ACAD9: variants seen among roughly 807,000 people sequenced by gnomAD.
ACAD9 encodes the protein complex I assembly factor ACAD9, mitochondrial.
ACAD9 carries 53 observed loss-of-function variants against 70.2 expected under a neutral mutation model. That is an observed-to-expected ratio of 0.75 (90% CI 0.61 to 0.95). The LOEUF is 0.95. Among genes scored for constraint, ACAD9 ranks in the 40% least tolerant of loss-of-function variants. The pLI, the probability that ACAD9 is intolerant of heterozygous loss-of-function variation, is 0.00. For synonymous variants in ACAD9, 313 were observed against 312.1 expected (o/e 1.00, Z -0.03); for missense variants, 777 against 802.8 (o/e 0.97, Z 0.39).
At chr3:128,892,454 ATTAAT>A (rs1206135079) in intron 2 of ACAD9, among the ~76,000 whole-genome samples, 2 of 152,226 alleles carry the variant, frequency 1.3e-5, no homozygotes, top group Non-Finnish European at 2.9e-5. Flanking sequence ...GTACACTTTA[ATTAAT>A]TTGATGCATA....
intron 6 of ACAD9, among the ~76,000 whole-genome samples, chr3:128,898,735 C>G (rs1935644242): frequency 1.3e-5 from 2 of 152,184 alleles, no homozygotes; most frequent in African/African-American, 4.8e-5. Context: ...TCAAATATCC[C>G]TGATTGCCTC....
At chr3:128,911,537 A>C (rs551589772) in intron 17 of ACAD9, among the ~76,000 whole-genome samples, 2 of 152,266 alleles carry the variant, frequency 1.3e-5, no homozygotes, top group South Asian at 2.1e-4. Flanking sequence ...TCCTGGGTTC[A>C]AGCAACTCCT....
chr3:128,912,814 C>T lies in ACAD9; in HGVS notation c.*207C>T. On this transcript the variant is annotated 3_prime_UTR_variant, in exon 18 of 18. Coordinates refer to ENST00000308982, the MANE Select transcript of ACAD9 (RefSeq NM_014049.5). ...GTGCTCTCTAACAGGACCATCACAG[C>T]TTCTGAACTGAGCCGGAGAGAGAGA... The T allele has an allele frequency of 1.4e-6, 1 of 719,044 alleles. No homozygotes were observed. Among genetic ancestry groups the T allele is most frequent in the Non-Finnish European group, 2.6e-6 (1 of 389,156 alleles). 44.5% of individuals were successfully genotyped at this position (719,044 alleles called of 1,614,324 possible). A position where few individuals can be genotyped will look rare whatever the true frequency, so the allele number is the denominator to read the frequency against.
chr3:128,892,489 G>A (rs1419879503), intron 2 of ACAD9, among the ~76,000 whole-genome samples: 4 of 152,116 alleles, frequency 2.6e-5, no homozygotes, highest in Admixed American at 1.3e-4. Context: ...GCAATTATAG[G>A]TCTAATGCTA....
chr3:128,879,688 C>T lies in ACAD9; in HGVS notation c.-4C>T, dbSNP rs766387976. The stretch of plus-strand genomic sequence containing the variant: ...GAGGCTGAGGCTGGGGAACATCGGG[C>T]AGCATGAGCGGCTGCGGGCTCTTCC... On this transcript the variant is annotated 5_prime_UTR_variant, in exon 1 of 18. Coordinates refer to ENST00000308982, the MANE Select transcript of ACAD9 (RefSeq NM_014049.5). 8.6e-5 allele frequency: 138 copies of T among 1,612,166 alleles called. No individual in the cohort carries two copies. Among genetic ancestry groups the T allele is most frequent in the Non-Finnish European group, 1.1e-4 (131 of 1,179,894 alleles).
intron 2 of ACAD9, among the ~76,000 whole-genome samples, chr3:128,889,390 G>T (rs1211121350): frequency 1.3e-5 from 2 of 152,090 alleles, no homozygotes; most frequent in Non-Finnish European, 2.9e-5. Flanking sequence ...TGCCACCTAG[G>T]TTGTGTAAGT....
intron 1 of ACAD9, 193 bp downstream of exon 1, chr3:128,880,034 A>G: frequency 2.6e-6 from 4 of 1,536,772 alleles, no homozygotes; most frequent in Non-Finnish European, 3.5e-6. Flanking sequence ...CATTTCCAAG[A>G]CGGGGGACCC....
chr3:128,879,770 C>T lies in ACAD9; in HGVS notation c.79C>T (p.Arg27Trp), dbSNP rs201209930. The T allele has an allele frequency of 1.9e-6, 3 of 1,613,674 alleles. No homozygotes were observed. The highest frequency in any genetic ancestry group is 2.5e-6 in the Non-Finnish European group (3 of 1,180,012). Residue 27 changes from arginine to tryptophan, a missense_variant, in exon 1 of 18, where the codon CGG becomes TGG. By Grantham distance (101) the Arg-to-Trp change is moderately radical. Transcript: ENST00000308982. ...GGGTCTGGTGGTCTCTACCGCGAAC[C>T]GGCGGCTACTGCGCACCAGCCCGCC... The part of the protein sequence containing the change: ...CRGLVVSTAN[R>W]RLLRTSPPVR...
At chr3:128,884,264 G>A (rs892777543) in intron 1 of ACAD9, among the ~76,000 whole-genome samples, 1 of 152,154 alleles carries the variant, frequency 6.6e-6, no homozygotes, top group Admixed American at 6.5e-5. Context: ...GTGAGAAAGG[G>A]GTAGTTTAGA....
At chr3:128,887,345 C>A (rs1273884337) in intron 2 of ACAD9, among the ~76,000 whole-genome samples, 1 of 152,114 alleles carries the variant, frequency 6.6e-6, no homozygotes, top group African/African-American at 2.4e-5. Flanking sequence ...GTGGCTCACA[C>A]TGGTAATCTT....
At chr3:128,910,999 T>C (rs911635079) in intron 17 of ACAD9, among the ~76,000 whole-genome samples, 186 bp downstream of exon 17, 1 of 152,234 alleles carries the variant, frequency 6.6e-6, no homozygotes, top group Admixed American at 6.5e-5. Context: ...TGTAGGTGCA[T>C]ACCTGCCCCA....
In ACAD9 at chr3:128,899,523, G is replaced by GGTGT. The variant is rs63473460; in HGVS notation, c.808+99_808+102dup. 0.082 allele frequency: 86,905 copies of GGTGT among 1,059,134 alleles called. 1,607 individuals carry two copies. Among genetic ancestry groups the GGTGT allele is most frequent in the Admixed American group, 0.12 (5,004 of 42,544 alleles). The allele number at this position is 1,059,134 out of a possible 1,614,324, so 65.6% of individuals were successfully genotyped here. A position where few individuals can be genotyped will look rare whatever the true frequency, so the allele number is the denominator to read the frequency against. ...TGTAAGGGGGAGACTGGCCTTTGACGGTGTGTGTGTGTGTGTGTGTGTGTG... is the reference window on the plus strand; with the variant it reads ...TGTAAGGGGGAGACTGGCCTTTGACGGTGTGTGTGTGTGTGTGTGTGTGTGTGTG... On this transcript the variant is annotated intron_variant, in intron 7 of 17. Transcript: ENST00000308982.
At chr3:128,880,903 G>A (rs1412646640) in intron 1 of ACAD9, among the ~76,000 whole-genome samples, 1 of 152,162 alleles carries the variant, frequency 6.6e-6, no homozygotes, top group African/African-American at 2.4e-5. Flanking sequence ...CTACAAAATA[G>A]GAATAAACAC....
At chr3:128,910,402 C>A in intron 16 of ACAD9, 1 of 1,399,424 alleles carries the variant, frequency 7.1e-7, no homozygotes, top group Non-Finnish European at 9.4e-7. Flanking sequence ...AAGGGACAGA[C>A]CCTGCACATT....
chr3:128,884,338 A>G (rs564879591), intron 1 of ACAD9, among the ~76,000 whole-genome samples: 5 of 152,202 alleles, frequency 3.3e-5, no homozygotes, highest in Non-Finnish European at 5.9e-5. Context: ...CCAGACCCCC[A>G]GGCTTCTAAA....
rs1001980644 is a variant in ACAD9 at position 128,879,661 on chromosome 3, C to T, written c.-31C>T. ...TCCCTGCGGCGCTAAGAAGGGGAGA[C>T]TGAGGCTGAGGCTGGGGAACATCGG... On this transcript the variant is annotated 5_prime_UTR_variant, in exon 1 of 18. Coordinates refer to ENST00000308982, the MANE Select transcript of ACAD9 (RefSeq NM_014049.5). The T allele has an allele frequency of 1.2e-6, 2 of 1,611,078 alleles. No homozygotes were observed. Among genetic ancestry groups the T allele is most frequent in the African/African-American group, 2.7e-5 (2 of 74,818 alleles).
At chr3:128,909,573 T>A (rs1043474601) in intron 15 of ACAD9, 152 bp downstream of exon 15, 14 of 831,696 alleles carry the variant, frequency 1.7e-5, no homozygotes, top group East Asian at 2.7e-5. Flanking sequence ...TCAGGCTGAC[T>A]TTGTCAGCCT....
At position 128,909,039 on chromosome 3, in the gene ACAD9, G is replaced by A; in HGVS notation, c.1425G>A (p.Leu475=). ...DTVGRRLRDS[L]GRTVDLGLTG... is the part of the protein sequence containing the mutation. ...TTGGCCGGAGGCTTCGGGACTCCCT[G>A]GGCCGAACTGTGGACCTGGGGCTGA... The change falls in exon 14 of 18, where the codon CTG becomes CTA. Residue 475 remains leucine (L), a synonymous_variant. Transcript: ENST00000308982. The A allele has an allele frequency of 1.9e-6, 3 of 1,614,148 alleles. No individual in the cohort carries two copies. Among genetic ancestry groups the A allele is most frequent in the Admixed American group, 1.7e-5 (1 of 60,028 alleles).
intron 7 of ACAD9, 132 bp from the exon 8 acceptor site, chr3:128,901,144 T>C: frequency 1.2e-6 from 1 of 854,748 alleles, no homozygotes; most frequent in South Asian, 1.4e-5. Context: ...GATAGGAACT[T>C]TGTCTTTCTA....
Sources: gnomAD v4.1 joint callset for allele counts (sites outside exome capture counted in the v4.1 genomes callset) on GRCh38, gnomAD v4.1.1 for gene constraint, MANE v1.5 for transcripts, NCBI Gene and HGNC (gene_info 2026-07-23, HGNC 2026-07-21) for gene names.